NFKBIZ: variants seen among roughly 807,000 people sequenced by gnomAD.
The protein encoded by NFKBIZ is NF-kappa-B inhibitor zeta.
In NFKBIZ, 19 loss-of-function variants were observed where a neutral mutation model predicts 76.8. That is an observed-to-expected ratio of 0.25 (90% CI 0.17 to 0.36). The LOEUF (loss-of-function observed/expected upper bound fraction) is 0.36, where lower values mean the gene tolerates loss of function less well. Ranked by LOEUF, NFKBIZ falls within the 10% of genes least tolerant of loss-of-function variation. NFKBIZ has a pLI of 1.00. For missense variants in NFKBIZ, 829 were observed against 910.9 expected, an observed-to-expected ratio of 0.91 and a Z score of 1.16; for synonymous variants, 368 against 354.8, an observed-to-expected ratio of 1.04 and a Z score of -0.42.
chr3:101,830,654 T>G (rs1200652699), intron 2 of NFKBIZ, among the ~76,000 whole-genome samples: 1 of 152,194 alleles, frequency 6.6e-6, no homozygotes, highest in Non-Finnish European at 1.5e-5. Flanking sequence ...AGGACATGAT[T>G]CTATTCTTTT....
rs544197418 is a variant in NFKBIZ at position 101,844,089 on chromosome 3, G to T, written c.-11-7996G>T. Among the ~76,000 whole-genome samples the T allele has an allele frequency of 7.2e-5, 11 of 152,302 alleles. No homozygotes were observed. The South Asian group carries it at 2.3e-3, about 32-fold the overall frequency. On this transcript the variant is annotated intron_variant, in intron 2 of 12. Coordinates refer to the NFKBIZ transcript ENST00000394054. ...CAAATACCTGAGTCTGAAACAGTTT[G>T]TCAGTCAAGTATAATTGGTGTTCCA...
chr3:101,836,612 T>G (rs1252103757), intron 2 of NFKBIZ, among the ~76,000 whole-genome samples: 1 of 152,230 alleles, frequency 6.6e-6, no homozygotes, highest in African/African-American at 2.4e-5. Flanking sequence ...AATAGGTGAA[T>G]TTCTATAATC....
chr3:101,857,007 AGT>A, intron 9 of NFKBIZ, 64 bp from the exon 10 acceptor site: 7 of 1,140,236 alleles, frequency 6.1e-6, no homozygotes, highest in Non-Finnish European at 7.7e-6. Flanking sequence ...CTGGGTGAAA[AGT>A]GTATTCTGAG....
At chr3:101,832,621 ATGT>A (rs1230820172) in intron 2 of NFKBIZ, among the ~76,000 whole-genome samples, 2 of 152,190 alleles carry the variant, frequency 1.3e-5, no homozygotes, top group Non-Finnish European at 2.9e-5. Context: ...AGGTTCATTC[ATGT>A]TGTATAAATG....
At chr3:101,836,562 A>G (rs1246848397) in intron 2 of NFKBIZ, among the ~76,000 whole-genome samples, 3 of 152,224 alleles carry the variant, frequency 2.0e-5, no homozygotes, top group East Asian at 1.9e-4. Flanking sequence ...TGTCCGGAAC[A>G]TTGTAGGTGG....
At chr3:101,847,961 C>T (rs191763828), upstream of NFKBIZ, among the ~76,000 whole-genome samples, 1,453 of 152,364 alleles carry the variant, frequency 9.5e-3, 24 homozygotes, top group African/African-American at 0.033. Flanking sequence ...CATGGCCTGA[C>T]TGGGGACCCT....
In NFKBIZ at chr3:101,860,127, A is replaced by G. The variant is rs926527211; in HGVS notation, c.*756A>G. ...GCTGAAAGATATATTCGAATTGTAA[A>G]GATGCTTTTTCTCATGCATTGAAAT... On this transcript the variant is annotated 3_prime_UTR_variant, in exon 12 of 12. Coordinates refer to ENST00000326172, the MANE Select transcript of NFKBIZ (RefSeq NM_031419.4). The G allele has an allele frequency of 2.0e-5, 3 of 151,890 alleles. No individual in the cohort carries two copies. The highest frequency in any genetic ancestry group is 4.8e-5 in the African/African-American group (2 of 41,368). 9.4% of individuals were successfully genotyped at this position (151,890 alleles called of 1,614,324 possible).
At chr3:101,833,493 C>T (rs1395221608) in intron 2 of NFKBIZ, among the ~76,000 whole-genome samples, 1 of 152,140 alleles carries the variant, frequency 6.6e-6, no homozygotes, top group South Asian at 2.1e-4. Context: ...AAAAGTTGTT[C>T]TGAAGGCCAT....
At chr3:101,835,901 C>A (rs1204635462) in intron 2 of NFKBIZ, among the ~76,000 whole-genome samples, 1 of 152,148 alleles carries the variant, frequency 6.6e-6, no homozygotes, top group African/African-American at 2.4e-5. Context: ...CAGGGGAAAA[C>A]ATGAATATCA....
intron 2 of NFKBIZ, among the ~76,000 whole-genome samples, chr3:101,837,143 A>G (rs901770940): frequency 1.3e-5 from 2 of 152,168 alleles, no homozygotes; most frequent in Non-Finnish European, 2.9e-5. Context: ...GAAGTCATAA[A>G]ATACAACCTT....
upstream of NFKBIZ, among the ~76,000 whole-genome samples, chr3:101,848,180 C>A (rs1576812227): frequency 2.0e-5 from 3 of 152,336 alleles, no homozygotes; most frequent in East Asian, 5.8e-4. Context: ...ATTTTGCCTA[C>A]CTAAAATTCA....
Position 101,853,134 on chromosome 3 carries a change from TTCATCTCAA to T in NFKBIZ, c.610_618del (p.His204_Asn206del). Reference sequence around the variant, plus strand: ...ACGCCCGGGGAGAGCATGGAAGATGTTCATCTCAATGAACCCAAACAGGAGAGCAGTGCT... The same window carrying T: ...ACGCCCGGGGAGAGCATGGAAGATGTTGAACCCAAACAGGAGAGCAGTGCT... On this transcript the variant is annotated inframe_deletion, in exon 5 of 12. Transcript: ENST00000326172. 1 of 1,614,146 alleles carries T rather than the reference TTCATCTCAA, an allele frequency of 6.2e-7. No individual in the cohort carries two copies. Among genetic ancestry groups the T allele is most frequent in the Non-Finnish European group, 8.5e-7 (1 of 1,180,018 alleles).
At chr3:101,858,368 C>T in intron 11 of NFKBIZ, 1 of 981,128 alleles carries the variant, frequency 1.0e-6, no homozygotes, top group South Asian at 4.7e-5. Context: ...TTACAAGTTT[C>T]AAGTTTCAAC....
At position 101,859,547 on chromosome 3, in the gene NFKBIZ, A is replaced by C. The variant is rs1335502768; in HGVS notation, c.*176A>C. ...TTAAAAGAAAAGAAGAAAAATATCT[A>C]ATTTCTCTTGGCAGATTTGCATATT... On this transcript the variant is annotated 3_prime_UTR_variant, in exon 12 of 12. Transcript: ENST00000326172. The C allele has an allele frequency of 1.2e-5, 5 of 428,096 alleles. No individual in the cohort carries two copies. The highest frequency in any genetic ancestry group is 1.7e-5 in the Non-Finnish European group (4 of 236,810). 26.5% of individuals were successfully genotyped at this position (428,096 alleles called of 1,614,324 possible).
At chr3:101,836,370 G>A (rs1035177672) in intron 2 of NFKBIZ, among the ~76,000 whole-genome samples, 2 of 152,190 alleles carry the variant, frequency 1.3e-5, no homozygotes, top group African/African-American at 2.4e-5. Flanking sequence ...AACTCTCTAC[G>A]TAAAATAACA....
chr3:101,851,930 C>G (rs1942971530), intron 1 of NFKBIZ, among the ~76,000 whole-genome samples, 155 bp from the exon 2 acceptor site: 1 of 151,770 alleles, frequency 6.6e-6, no homozygotes, highest in African/African-American at 2.4e-5. Flanking sequence ...TCGGGACTCA[C>G]AAGGCCATTG....
At chr3:101,847,986 C>A (rs149517377), upstream of NFKBIZ, among the ~76,000 whole-genome samples, 7 of 152,226 alleles carry the variant, frequency 4.6e-5, no homozygotes, top group African/African-American at 1.4e-4. Context: ...TTTCTCCCCC[C>A]CTCCAAAAGA....
chr3:101,832,980 T>C (rs1168012215), intron 2 of NFKBIZ, among the ~76,000 whole-genome samples: 1 of 152,244 alleles, frequency 6.6e-6, no homozygotes, highest in Non-Finnish European at 1.5e-5. Context: ...TGATAGAAAA[T>C]GACACGAAGT....
At chr3:101,845,616 T>G (rs1942840741), upstream of NFKBIZ, among the ~76,000 whole-genome samples, 1 of 152,188 alleles carries the variant, frequency 6.6e-6, no homozygotes. Flanking sequence ...CCTCAATTCC[T>G]TTTTTGAAAC....
Sources: gnomAD v4.1 joint callset for allele counts (sites outside exome capture counted in the v4.1 genomes callset) on GRCh38, gnomAD v4.1.1 for gene constraint, MANE v1.5 for transcripts, NCBI Gene and HGNC (gene_info 2026-07-23, HGNC 2026-07-21) for gene names.